Variants in SERINC5 observed in about 807,000 individuals in gnomAD.
SERINC5 encodes serine incorporator 5.
In SERINC5, 41 loss-of-function variants were observed where a neutral mutation model predicts 63.1. That is an observed-to-expected ratio of 0.65 (90% CI 0.51 to 0.84). The LOEUF (loss-of-function observed/expected upper bound fraction) is 0.84, where lower values mean the gene tolerates loss of function less well. Ranked by LOEUF, SERINC5 falls within the 40% of genes least tolerant of loss-of-function variation. The probability of loss-of-function intolerance (pLI) is 0.00; values close to 1 mark genes in which losing one functional copy is unlikely to be tolerated. For missense variants in SERINC5, 523 were observed against 573.0 expected (o/e 0.91, Z 0.89); for synonymous variants, 222 against 215.2 (o/e 1.03, Z -0.28).
intron 9 of SERINC5, among the ~76,000 whole-genome samples, chr5:80,147,908 G>A (rs56310314): frequency 0.042 from 6,403 of 152,178 alleles, 192 homozygotes; most frequent in East Asian, 0.1. Flanking sequence ...GGAAACTGAG[G>A]TCAGGCAGGT....
Position 80,177,417 on chromosome 5 carries a change from A to T in SERINC5, c.375-20T>A. On this transcript the variant is annotated intron_variant, in intron 3 of 11. Transcript: ENST00000507668. ...CAAAAGCTAGAAGTGGGGGGAAAAAAAAGAGGAAATGTATTTAAATGACAT... is the reference window on the plus strand; with the variant it reads ...CAAAAGCTAGAAGTGGGGGGAAAAATAAGAGGAAATGTATTTAAATGACAT... The T allele has an allele frequency of 6.3e-7, 1 of 1,592,334 alleles. No individual in the cohort carries two copies. The highest frequency in any genetic ancestry group is 8.6e-7 in the Non-Finnish European group (1 of 1,160,658).
chr5:80,182,590 G>A (rs1748523770), intron 2 of SERINC5, among the ~76,000 whole-genome samples: 1 of 144,356 alleles, frequency 6.9e-6, no homozygotes, highest in Non-Finnish European at 1.5e-5. Context: ...CTGTTGCCCA[G>A]GCTGGAGTGC....
intron 5 of SERINC5, among the ~76,000 whole-genome samples, chr5:80,169,972 C>T (rs1013779427): frequency 6.6e-6 from 1 of 152,108 alleles, no homozygotes; most frequent in African/African-American, 2.4e-5. Flanking sequence ...TTGCAGAAGG[C>T]TCAGTATTTA....
chr5:80,220,543 G>T (rs925100538), intron 1 of SERINC5, among the ~76,000 whole-genome samples: 1 of 152,170 alleles, frequency 6.6e-6, no homozygotes, highest in Non-Finnish European at 1.5e-5. Flanking sequence ...GGCAAAGAAG[G>T]CTCCTTTGAA....
chr5:80,252,745 A>G (rs903779850), intron 1 of SERINC5, among the ~76,000 whole-genome samples: 17 of 152,304 alleles, frequency 1.1e-4, no homozygotes, highest in Admixed American at 7.8e-4. Flanking sequence ...AGAAGTACCC[A>G]TTCAATAGTT....
At chr5:80,156,489 G>C (rs1338849135) in intron 8 of SERINC5, among the ~76,000 whole-genome samples, 1 of 152,140 alleles carries the variant, frequency 6.6e-6, no homozygotes, top group Non-Finnish European at 1.5e-5. Flanking sequence ...AACTCCTAGG[G>C]GGCCCAGCCC....
At chr5:80,178,777 A>G (rs1748224600) in intron 2 of SERINC5, among the ~76,000 whole-genome samples, 1 of 132,430 alleles carries the variant, frequency 7.6e-6, no homozygotes, top group Non-Finnish European at 1.6e-5. Flanking sequence ...TCCACCCAAA[A>G]TGTCACTCCT....
At chr5:80,251,282 ACATACATG>A (rs70982047) in intron 1 of SERINC5, among the ~76,000 whole-genome samples, 27,962 of 91,000 alleles carry the variant, frequency 0.31, 3,122 homozygotes, top group African/African-American at 0.53. Flanking sequence ...ATCTTTAAAT[ACATACATG>A]CATACATACA....
At position 80,178,064 on chromosome 5, in the gene SERINC5, T is replaced by C. The variant is rs765712921; in HGVS notation, c.196A>G (p.Ile66Val). The C allele has an allele frequency of 3.8e-6, 6 of 1,592,290 alleles. No individual in the cohort carries two copies. The highest frequency in any genetic ancestry group is 4.3e-6 in the Non-Finnish European group (5 of 1,171,524). Residue 66 changes from isoleucine to valine, a missense_variant and splice_region_variant, in exon 3 of 12, where the codon ATT becomes GTT. By Grantham distance (29) the Ile-to-Val change is conservative (BLOSUM62 3). Transcript: ENST00000507668. ...TTACACATATCTTCAAAAAAAGGAA[T>C]CTGAGGAGAAAGTTTAGAAAAGTCA... ...TTVAHKMKEHIPFFEDMCKGI... is the reference protein window; with the variant it reads ...TTVAHKMKEHVPFFEDMCKGI...
chr5:80,201,341 C>T (rs887210484), intron 2 of SERINC5, among the ~76,000 whole-genome samples: 2 of 152,164 alleles, frequency 1.3e-5, no homozygotes. Context: ...GCTTTCTTCT[C>T]CCTCTATCTC....
At chr5:80,152,480 G>C (rs1746251559) in intron 8 of SERINC5, among the ~76,000 whole-genome samples, 2 of 146,290 alleles carry the variant, frequency 1.4e-5, no homozygotes, top group Admixed American at 6.8e-5. Context: ...AGTGACAGAA[G>C]GACCCTGTCT....
intron 11 of SERINC5, among the ~76,000 whole-genome samples, chr5:80,122,212 T>TATATATATATATATATATATATATATA (rs777568982): frequency 7.0e-6 from 1 of 142,560 alleles, no homozygotes; most frequent in African/African-American, 2.8e-5. Context: ...TATATATATA[T>TATATATATATATATATATATATATATA]AATATGAGTT....
rs185462714 is a variant in SERINC5, at chr5:80,184,547, A to C, written c.196-6483T>G. The stretch of plus-strand genomic sequence containing the variant: ...CATTGACACTGTATATTCATCAAAA[A>C]CAGGTAAACAACCCCCCTGCTCCAA... On this transcript the variant is annotated intron_variant, in intron 2 of 11. Coordinates refer to ENST00000507668, the MANE Select transcript of SERINC5 (RefSeq NM_001174072.3). 6.1e-3 allele frequency among the ~76,000 whole-genome samples: 931 copies of C among 152,242 alleles called. 8 individuals are homozygous for C. Among genetic ancestry groups the C allele is most frequent in the Non-Finnish European group, 0.01 (713 of 68,018 alleles).
downstream of SERINC5, among the ~76,000 whole-genome samples, chr5:80,133,865 T>C (rs1745047328): frequency 6.6e-6 from 1 of 152,096 alleles, no homozygotes; most frequent in African/African-American, 2.4e-5. Context: ...GGACTACTGA[T>C]TGGTTAGGTC....
intron 12 of SERINC5, among the ~76,000 whole-genome samples, chr5:80,112,161 A>G (rs1744138806): frequency 6.6e-6 from 1 of 152,182 alleles, no homozygotes; most frequent in Non-Finnish European, 1.5e-5. Context: ...GAGAATTAGT[A>G]AAAGAGGAAG....
chr5:80,141,745 T>C lies in SERINC5; in HGVS notation c.*1918A>G. The stretch of plus-strand genomic sequence containing the variant: ...CCTCAGGTTAGAACACGGCTTTTCA[T>C]TTTGCGACTCCAGATGAATCTTTTA... On this transcript the variant is annotated 3_prime_UTR_variant, in exon 12 of 12. Coordinates refer to ENST00000507668, the MANE Select transcript of SERINC5 (RefSeq NM_001174072.3). 1 of 985,410 alleles carries C rather than the reference T, an allele frequency of 1.0e-6. No individual in the cohort carries two copies. Among genetic ancestry groups the C allele is most frequent in the African/African-American group, 1.7e-5 (1 of 57,338 alleles). 61.0% of individuals were successfully genotyped at this position (985,410 alleles called of 1,614,324 possible). A position where few individuals can be genotyped will look rare whatever the true frequency, so the allele number is the denominator to read the frequency against.
intron 1 of SERINC5, among the ~76,000 whole-genome samples, chr5:80,208,294 C>T (rs553349991): frequency 4.6e-5 from 7 of 150,876 alleles, no homozygotes; most frequent in Non-Finnish European, 7.4e-5. Flanking sequence ...TGGGGGAGGC[C>T]GTGCAAGTGG....
chr5:80,161,057 T>C (rs1420205893), intron 7 of SERINC5, among the ~76,000 whole-genome samples: 1 of 151,176 alleles, frequency 6.6e-6, no homozygotes, highest in Non-Finnish European at 1.5e-5. Flanking sequence ...TATGTATGTA[T>C]GTATATATAT....
chr5:80,158,130 A>T (rs949445333), intron 8 of SERINC5: 1 of 152,234 alleles, frequency 6.6e-6, no homozygotes, highest in Non-Finnish European at 1.5e-5. Context: ...GTTAAAGGGA[A>T]GCTTAGTTAT....
Sources: allele counts gnomAD v4.1 joint callset (sites outside exome capture counted in the v4.1 genomes callset), GRCh38; gene constraint gnomAD v4.1.1; transcripts MANE v1.5; gene names NCBI Gene and HGNC (gene_info 2026-07-23, HGNC 2026-07-21).